The following SLC29A3 variants were observed in gnomAD, a reference collection of about 807,000 sequenced individuals.
SLC29A3 encodes equilibrative nucleoside transporter 3.
In SLC29A3, 18 loss-of-function variants were observed where a neutral mutation model predicts 25.4. That is an observed-to-expected ratio of 0.71 (90% confidence interval 0.49 to 1.05). The LOEUF (loss-of-function observed/expected upper bound fraction) is 1.05. SLC29A3 is among the 50% of genes least tolerant of loss of function. The probability of loss-of-function intolerance (pLI) is 0.00; values close to 1 mark genes in which losing one functional copy is unlikely to be tolerated. For missense variants in SLC29A3, 586 were observed against 609.0 expected, an observed-to-expected ratio of 0.96 and a Z score of 0.40; for synonymous variants, 258 against 267.1, an observed-to-expected ratio of 0.97 and a Z score of 0.33.
chr10:71,325,851 C>T (rs1319402407), intron 2 of SLC29A3, among the ~76,000 whole-genome samples: 2 of 151,832 alleles, frequency 1.3e-5, no homozygotes, highest in African/African-American at 4.8e-5. Context: ...GTTTGTGGTG[C>T]ACTGGACAGG....
rs116671700 is a variant in SLC29A3 at position 71,336,198 on chromosome 10, C to T, written c.301-8011C>T. Among the ~76,000 whole-genome samples the T allele has an allele frequency of 3.2e-3, 485 of 152,266 alleles. 1 individual carries two copies. The highest frequency in any genetic ancestry group is 0.011 in the African/African-American group (467 of 41,548). On this transcript the variant is annotated intron_variant, in intron 2 of 5. Transcript: ENST00000373189. ...CTGCCTGTGTGTCTGTGTGTCCTTC[C>T]CTCTTTTCCCGTATACTGTGGATTG...
At chr10:71,342,079 A>C (rs7916422) in intron 2 of SLC29A3, among the ~76,000 whole-genome samples, 4 of 152,178 alleles carry the variant, frequency 2.6e-5, no homozygotes, top group Admixed American at 1.3e-4. Flanking sequence ...CACAGGTCTC[A>C]TCCACACTCA....
At chr10:71,372,537 A>C (rs77535928) in intron 3 of SLC29A3, among the ~76,000 whole-genome samples, 1,615 of 152,286 alleles carry the variant, frequency 0.011, 20 homozygotes, top group African/African-American at 0.037. Context: ...ACAAGTTCCC[A>C]GGTGGTGCTG....
intron 1 of SLC29A3, chr10:71,319,591 C>T (rs1845800461): frequency 8.0e-6 from 3 of 373,040 alleles, no homozygotes; most frequent in African/African-American, 2.1e-5. Context: ...TGGTATGGAC[C>T]CGTCGGCCCG....
At chr10:71,358,858 T>A (rs1183168146) in intron 5 of SLC29A3, among the ~76,000 whole-genome samples, 1 of 152,234 alleles carries the variant, frequency 6.6e-6, no homozygotes, top group Non-Finnish European at 1.5e-5. Flanking sequence ...CAGCTGAGCA[T>A]GTGAGACAGA....
At chr10:71,337,663 A>G (rs907089486) in intron 2 of SLC29A3, among the ~76,000 whole-genome samples, 1 of 152,190 alleles carries the variant, frequency 6.6e-6, no homozygotes, top group Admixed American at 6.5e-5. Flanking sequence ...CACTTATTTC[A>G]AAGTGCCCAA....
intron 1 of SLC29A3, among the ~76,000 whole-genome samples, chr10:71,320,968 C>T (rs1204312678): frequency 1.3e-5 from 2 of 152,026 alleles, no homozygotes; most frequent in African/African-American, 4.8e-5. Flanking sequence ...TAACTTCACT[C>T]TTGTCATCTA....
chr10:71,332,448 C>T (rs1846143087), intron 2 of SLC29A3, among the ~76,000 whole-genome samples: 1 of 152,182 alleles, frequency 6.6e-6, no homozygotes, highest in South Asian at 2.1e-4. Flanking sequence ...CTGCACCCTA[C>T]CAGCAATCCA....
intron 2 of SLC29A3, among the ~76,000 whole-genome samples, chr10:71,339,895 C>T (rs1241296170): frequency 6.6e-6 from 1 of 152,148 alleles, no homozygotes; most frequent in Non-Finnish European, 1.5e-5. Context: ...TACTCCAGCT[C>T]CAGGCTTGCG....
chr10:71,338,471 C>G (rs968645978), intron 2 of SLC29A3, among the ~76,000 whole-genome samples: 2 of 152,150 alleles, frequency 1.3e-5, no homozygotes, highest in Admixed American at 6.5e-5. Context: ...AGAAATCAAA[C>G]CCTGGCCGGG....
At position 71,355,972 on chromosome 10, in the gene SLC29A3, G is replaced by C. The variant is rs188634576; in HGVS notation, c.611-109G>C. ...CACTGAGAGAGCTTTGGCATTTTTC[G>C]CACGGAGGAATTTTTATTTTGGTTT... On this transcript the variant is annotated intron_variant, in intron 4 of 5. Coordinates refer to ENST00000373189, the MANE Select transcript of SLC29A3 (RefSeq NM_018344.6). 4,959 of 1,302,994 alleles carry C rather than the reference G, an allele frequency of 3.8e-3. 97 individuals are homozygous for C. The highest frequency in any genetic ancestry group is 0.015 in the South Asian group (1,293 of 83,906). The allele number at this position is 1,302,994 out of a possible 1,614,324, so 80.7% of individuals were successfully genotyped here. A position where few individuals can be genotyped will look rare whatever the true frequency, so the allele number is the denominator to read the frequency against.
chr10:71,361,735 T>C (rs1360743021), intron 5 of SLC29A3, among the ~76,000 whole-genome samples: 1 of 152,248 alleles, frequency 6.6e-6, no homozygotes, highest in African/African-American at 2.4e-5. Flanking sequence ...GCTCATGGCA[T>C]GGCCACCGCG....
chr10:71,336,438 C>T (rs1846255674), intron 2 of SLC29A3, among the ~76,000 whole-genome samples: 1 of 151,980 alleles, frequency 6.6e-6, no homozygotes, highest in African/African-American at 2.4e-5. Context: ...ACGCTGAGGA[C>T]CCTTAGAGGA....
chr10:71,361,930 G>A, intron 5 of SLC29A3, 24 bp from the exon 6 acceptor site: 7 of 1,613,406 alleles, frequency 4.3e-6, no homozygotes, highest in Non-Finnish European at 5.9e-6. Flanking sequence ...CCTGCTTGAT[G>A]GTGGCCCTGT....
At chr10:71,323,215 G>T (rs1404137921) in intron 2 of SLC29A3, among the ~76,000 whole-genome samples, 161 bp downstream of exon 2, 1 of 152,222 alleles carries the variant, frequency 6.6e-6, no homozygotes, top group Non-Finnish European at 1.5e-5. Context: ...TGGTGTGTAT[G>T]GTAAACCCAT....
chr10:71,321,821 C>T (rs561993718), intron 1 of SLC29A3, among the ~76,000 whole-genome samples: 31 of 152,294 alleles, frequency 2.0e-4, no homozygotes, highest in African/African-American at 7.5e-4. Flanking sequence ...GTGGCTGGCT[C>T]CTTGTAGGGT....
rs768206919 is a variant in SLC29A3, at chr10:71,323,061, G to A, written c.300+7G>A. On this transcript the variant is annotated splice_region_variant and intron_variant, in intron 2 of 5. Transcript: ENST00000373189. ...TGAGGGCTCAGACATCCTGGTAAGG[G>A]CATGTTTCTCCTGCAAGGCTGGTGG... is the stretch of plus-strand genomic sequence containing the variant. 2.5e-6 allele frequency: 4 copies of A among 1,612,412 alleles called. No individual in the cohort carries two copies. The East Asian group carries it at 8.9e-5, about 36-fold the overall frequency.
In SLC29A3 at chr10:71,363,044, C is replaced by G. The variant is rs1200927405; in HGVS notation, c.*436C>G. The G allele has an allele frequency of 1.1e-5, 5 of 455,978 alleles. No homozygotes were observed. The highest frequency in any genetic ancestry group is 1.8e-5 in the Non-Finnish European group (4 of 228,158). The allele number at this position is 455,978 out of a possible 1,614,324, so 28.2% of individuals were successfully genotyped here. On this transcript the variant is annotated 3_prime_UTR_variant, in exon 6 of 6. Transcript: ENST00000373189. ...AAGCAAATGCTCAGCTCTCCTTACC[C>G]TGAAGGGGTCTCCCTGGAATGGAAG... is the stretch of plus-strand genomic sequence containing the variant.
intron 1 of SLC29A3, chr10:71,319,627 C>G (rs1224235253): frequency 3.0e-6 from 1 of 337,078 alleles, no homozygotes; most frequent in African/African-American, 2.1e-5. Context: ...GGCTGATTCT[C>G]TCGGTCCCAG....
Sources: gnomAD v4.1 joint callset for allele counts (sites outside exome capture counted in the v4.1 genomes callset) on GRCh38, gnomAD v4.1.1 for gene constraint, MANE v1.5 for transcripts, NCBI Gene and HGNC (gene_info 2026-07-23, HGNC 2026-07-21) for gene names.